Variants in TMPRSS4 observed in about 807,000 individuals in gnomAD.
TMPRSS4 encodes the protein transmembrane protease serine 4.
A neutral mutation model predicts 56.4 loss-of-function variants in TMPRSS4; 45 were observed. The ratio of observed to expected loss-of-function variants is 0.80; its 90% CI spans 0.63 to 1.02. The LOEUF is 1.02. TMPRSS4 is among the 50% of genes least tolerant of loss of function. The pLI, the probability that TMPRSS4 is intolerant of heterozygous loss-of-function variation, is 0.00. For synonymous variants in TMPRSS4, 205 were observed against 211.0 expected (o/e 0.97, Z 0.25); for missense variants, 546 against 556.7 (o/e 0.98, Z 0.19).
At chr11:118,100,309 G>A (rs1946670465) in intron 3 of TMPRSS4, among the ~76,000 whole-genome samples, 1 of 152,238 alleles carries the variant, frequency 6.6e-6, no homozygotes, top group South Asian at 2.1e-4. Context: ...TGCTAATTGG[G>A]GCAGGACTGC....
chr11:118,093,618 C>T (rs958285836), intron 1 of TMPRSS4, among the ~76,000 whole-genome samples: 56 of 152,118 alleles, frequency 3.7e-4, no homozygotes, highest in African/African-American at 1.2e-3. Flanking sequence ...TGTGCACATG[C>T]GTCGACGGCA....
At chr11:118,090,829 C>G (rs867820183) in intron 1 of TMPRSS4, among the ~76,000 whole-genome samples, 2 of 151,734 alleles carry the variant, frequency 1.3e-5, no homozygotes, top group African/African-American at 4.8e-5. Context: ...CAAACACACA[C>G]ACACACACAC....
At position 118,118,586 on chromosome 11, in the gene TMPRSS4, G is replaced by T; in HGVS notation, c.*673G>T. 1.0e-6 allele frequency: 1 copy of T among 985,440 alleles called. No homozygotes were observed. The highest frequency in any genetic ancestry group is 4.7e-5 in the South Asian group (1 of 21,276). 61.0% of individuals were successfully genotyped at this position (985,440 alleles called of 1,614,324 possible). A position where few individuals can be genotyped will look rare whatever the true frequency, so the allele number is the denominator to read the frequency against. ...GTAGAGGCAGGGGAAAAAAGAGTTA[G>T]GGAGACCAGATCTGCTGAGTGGCAG... On this transcript the variant is annotated 3_prime_UTR_variant, in exon 13 of 13. Coordinates refer to ENST00000437212, the MANE Select transcript of TMPRSS4 (RefSeq NM_019894.4).
At chr11:118,102,166 C>A (rs1946750668) in intron 3 of TMPRSS4, among the ~76,000 whole-genome samples, 1 of 152,096 alleles carries the variant, frequency 6.6e-6, no homozygotes, top group Non-Finnish European at 1.5e-5. Context: ...CTCCCGCCTC[C>A]CCCCGACAGG....
At chr11:118,086,879 T>C (rs1416071000) in intron 1 of TMPRSS4, 1 of 152,840 alleles carries the variant, frequency 6.5e-6, no homozygotes, top group African/African-American at 2.4e-5. Flanking sequence ...GGGATGCAGG[T>C]TCTGGGGTCA....
At chr11:118,117,562 C>T in intron 12 of TMPRSS4, 108 bp downstream of exon 12, 7 of 1,504,264 alleles carry the variant, frequency 4.7e-6, no homozygotes, top group Non-Finnish European at 6.2e-6. Flanking sequence ...CTCTTTACAT[C>T]CCAAATAACT....
intron 1 of TMPRSS4, among the ~76,000 whole-genome samples, chr11:118,080,748 G>A (rs143172676): frequency 4.1e-4 from 62 of 152,276 alleles, no homozygotes; most frequent in African/African-American, 1.5e-3. Flanking sequence ...GGGAACTGCC[G>A]ACAAGCTTCC....
At chr11:118,098,775 T>C (rs1399356867) in intron 2 of TMPRSS4, among the ~76,000 whole-genome samples, 1 of 152,136 alleles carries the variant, frequency 6.6e-6, no homozygotes, top group Non-Finnish European at 1.5e-5. Flanking sequence ...TCAGGAAAGA[T>C]AGGTGAGCCT....
At chr11:118,085,982 G>A (rs569421338) in intron 1 of TMPRSS4, among the ~76,000 whole-genome samples, 11 of 152,222 alleles carry the variant, frequency 7.2e-5, no homozygotes. Flanking sequence ...ATCGCAGAGG[G>A]ATTCCTAAGC....
At chr11:118,084,797 T>C (rs1823783697) in intron 1 of TMPRSS4, among the ~76,000 whole-genome samples, 1 of 152,236 alleles carries the variant, frequency 6.6e-6, no homozygotes, top group South Asian at 2.1e-4. Flanking sequence ...ATTCTCCCCA[T>C]TTTACAGATG....
downstream of TMPRSS4, among the ~76,000 whole-genome samples, chr11:118,122,488 A>G (rs1947815086): frequency 6.6e-6 from 1 of 152,244 alleles, no homozygotes; most frequent in African/African-American, 2.4e-5. Flanking sequence ...GTAAGCTATA[A>G]TAAGTGAAAA....
chr11:118,103,627 C>T (rs966012915), intron 4 of TMPRSS4, among the ~76,000 whole-genome samples: 1 of 152,200 alleles, frequency 6.6e-6, no homozygotes, highest in Non-Finnish European at 1.5e-5. Context: ...GGTGATCTGC[C>T]CGCCTCAGCC....
intron 3 of TMPRSS4, 139 bp from the exon 4 acceptor site, chr11:118,102,962 G>A: frequency 8.8e-7 from 1 of 1,140,534 alleles, no homozygotes. Context: ...AAGTCTGTGT[G>A]CTACCAAGTA....
chr11:118,082,319 G>A (rs58800922), intron 1 of TMPRSS4, among the ~76,000 whole-genome samples: 4,469 of 152,244 alleles, frequency 0.029, 195 homozygotes, highest in African/African-American at 0.099. Context: ...CCAGCACTTT[G>A]GGAGGCCTAG....
chr11:118,101,422 C>T (rs1420113846), intron 3 of TMPRSS4, among the ~76,000 whole-genome samples: 2 of 152,104 alleles, frequency 1.3e-5, no homozygotes. Context: ...GGAGTTCCCT[C>T]CTGCCAGGGT....
intron 1 of TMPRSS4, among the ~76,000 whole-genome samples, chr11:118,093,652 TATC>T (rs1591366651): frequency 6.6e-6 from 1 of 152,208 alleles, no homozygotes; most frequent in Non-Finnish European, 1.5e-5. Context: ...CTCTCAGAAA[TATC>T]ATAATGTTGA....
intron 1 of TMPRSS4, among the ~76,000 whole-genome samples, chr11:118,089,088 C>G (rs953654732): frequency 2.0e-5 from 3 of 152,112 alleles, no homozygotes; most frequent in African/African-American, 7.2e-5. Context: ...CCATAAGTCC[C>G]TATTTCTATC....
intron 5 of TMPRSS4, chr11:118,107,468 G>T: frequency 4.2e-6 from 1 of 239,756 alleles, no homozygotes; most frequent in Non-Finnish European, 8.1e-6. Context: ...ACAGAGCTGG[G>T]AATATGGAAA....
chr11:118,111,672 C>T, intron 7 of TMPRSS4, 69 bp from the exon 8 acceptor site: 1 of 1,365,262 alleles, frequency 7.3e-7, no homozygotes, highest in East Asian at 2.6e-5. Flanking sequence ...ATTTTGGGTG[C>T]TGAGTGGAGG....
Sources: gnomAD v4.1 joint callset for allele counts (sites outside exome capture counted in the v4.1 genomes callset) on GRCh38, gnomAD v4.1.1 for gene constraint, MANE v1.5 for transcripts, NCBI Gene and HGNC (gene_info 2026-07-23, HGNC 2026-07-21) for gene names.